KCNQ1: variants seen among roughly 807,000 people sequenced by gnomAD.
The protein encoded by KCNQ1 is potassium voltage-gated channel subfamily Q member 1.
In KCNQ1, 49 loss-of-function variants were observed where a neutral mutation model predicts 72.4. The ratio of observed to expected loss-of-function variants is 0.68; its 90% CI spans 0.54 to 0.86. KCNQ1 has a LOEUF of 0.86. Among genes scored for constraint, KCNQ1 ranks in the 40% least tolerant of loss-of-function variants. The pLI, the probability that KCNQ1 is intolerant of heterozygous loss-of-function variation, is 0.00. For synonymous variants in KCNQ1, 450 were observed against 412.6 expected (o/e 1.09, Z -1.10); for missense variants, 790 against 945.1 (o/e 0.84, Z 2.15).
In KCNQ1 at chr11:2,588,570, A is replaced by AGCT; in HGVS notation, c.1252-141_1252-139dup. ...CCCTGTCTCTGTGTGAAGACACTGG[A>AGCT]GCTGGCCCCAGGCCTCAGGTCCCTG... is the stretch of plus-strand genomic sequence containing the variant. On this transcript the variant is annotated intron_variant, in intron 9 of 15. Coordinates refer to ENST00000155840, the MANE Select transcript of KCNQ1 (RefSeq NM_000218.3). The surrounding 1 kb of genome is among the most constrained non-coding windows in gnomAD (Gnocchi z 5.6). 5.1e-6 allele frequency: 5 copies of AGCT among 979,234 alleles called. No individual in the cohort carries two copies. Among genetic ancestry groups the AGCT allele is most frequent in the Non-Finnish European group, 4.7e-6 (3 of 640,032 alleles). 60.7% of individuals were successfully genotyped at this position (979,234 alleles called of 1,614,324 possible).
rs781377342 is a variant in KCNQ1, at chr11:2,536,713, G to A, written c.477+8695G>A. Among the ~76,000 whole-genome samples the A allele has an allele frequency of 3.3e-5, 5 of 150,876 alleles. No individual in the cohort carries two copies. The highest frequency in any genetic ancestry group is 7.4e-5 in the Non-Finnish European group (5 of 68,010). On this transcript the variant is annotated intron_variant, in intron 2 of 15. Transcript: ENST00000155840. This position sits in a 1 kb window ranked among gnomAD's most constrained non-coding sequence, Gnocchi z 7.4. The stretch of plus-strand genomic sequence containing the variant: ...CCCAGCCTGCCAGAGGGACCGCTGG[G>A]CCTATCTCCAGCCACGTGGGTCGCG...
intron 11 of KCNQ1, among the ~76,000 whole-genome samples, chr11:2,738,923 G>C (rs1846002099): frequency 6.6e-6 from 1 of 152,230 alleles, no homozygotes. Context: ...GGCCAGGTGG[G>C]TGAGCGAGGT....
chr11:2,680,039 A>G (rs920784402), intron 11 of KCNQ1: 28 of 395,780 alleles, frequency 7.1e-5, no homozygotes, highest in African/African-American at 5.8e-4. Context: ...GACTACAGAC[A>G]TCTGCCACCA....
At position 2,676,534 on chromosome 11, in the gene KCNQ1, A is replaced by C. The variant is rs1850298019; in HGVS notation, c.1514+14453A>C. On this transcript the variant is annotated intron_variant, in intron 11 of 15. Coordinates refer to ENST00000155840, the MANE Select transcript of KCNQ1 (RefSeq NM_000218.3). The surrounding 1 kb of genome is among the most constrained non-coding windows in gnomAD (Gnocchi z 4.2). Reference sequence around the variant, plus strand: ...TGGACTTGGCAAAAGGCATAGAGGTAGTGGTACAGGAAAGGTCTAAGAAGG... The same window carrying C: ...TGGACTTGGCAAAAGGCATAGAGGTCGTGGTACAGGAAAGGTCTAAGAAGG... 4 of 398,556 alleles carry C rather than the reference A, an allele frequency of 1.0e-5. No homozygotes were observed. Among genetic ancestry groups the C allele is most frequent in the East Asian group, 7.1e-5 (2 of 28,096 alleles). The allele number at this position is 398,556 out of a possible 1,614,324, so 24.7% of individuals were successfully genotyped here. A position where few individuals can be genotyped will look rare whatever the true frequency, so the allele number is the denominator to read the frequency against.
At chr11:2,580,921 TGCAGAGCGGAG>T (rs1848489923) in intron 6 of KCNQ1, among the ~76,000 whole-genome samples, 2 of 152,218 alleles carry the variant, frequency 1.3e-5, no homozygotes, top group Non-Finnish European at 2.9e-5. Context: ...GGGGCCCTTC[TGCAGAGCGGAG>T]GCAGAGCCCG....
intron 15 of KCNQ1, among the ~76,000 whole-genome samples, chr11:2,807,061 G>A (rs933122082): frequency 2.0e-5 from 3 of 152,236 alleles, no homozygotes; most frequent in African/African-American, 4.8e-5. Context: ...TTCGGAAGGC[G>A]CCAGTGTTTC....
chr11:2,765,856 A>T (rs1259559405), intron 11 of KCNQ1, among the ~76,000 whole-genome samples: 1 of 152,144 alleles, frequency 6.6e-6, no homozygotes, highest in Non-Finnish European at 1.5e-5. Flanking sequence ...GGATTTATAT[A>T]GTTGTTTTTA....
chr11:2,633,976 A>G, intron 10 of KCNQ1: 1 of 398,472 alleles, frequency 2.5e-6, no homozygotes, highest in East Asian at 3.6e-5. Flanking sequence ...GTTCAAATCT[A>G]TGTTGTTGAA....
chr11:2,841,905 C>T (rs998547205), intron 15 of KCNQ1, among the ~76,000 whole-genome samples: 4 of 152,142 alleles, frequency 2.6e-5, no homozygotes, highest in Non-Finnish European at 5.9e-5. Flanking sequence ...CAACCCCGCT[C>T]CTGGGGGGTG....
intron 12 of KCNQ1, chr11:2,771,707 C>A (rs1208050091): frequency 6.6e-6 from 1 of 152,028 alleles, no homozygotes; most frequent in Non-Finnish European, 1.5e-5. Flanking sequence ...AAGCAATTAA[C>A]AAATACAAAA....
chr11:2,621,600 T>C lies in KCNQ1; in HGVS notation c.1393+32746T>C, dbSNP rs1849173575. 2.5e-6 allele frequency: 1 copy of C among 398,520 alleles called. No individual in the cohort carries two copies. Among genetic ancestry groups the C allele is most frequent in the East Asian group, 3.6e-5 (1 of 28,050 alleles). 24.7% of individuals were successfully genotyped at this position (398,520 alleles called of 1,614,324 possible). On this transcript the variant is annotated intron_variant, in intron 10 of 15. Coordinates refer to ENST00000155840, the MANE Select transcript of KCNQ1 (RefSeq NM_000218.3). This position sits in a 1 kb window ranked among gnomAD's most constrained non-coding sequence, Gnocchi z 5.7. ...TCTGTTCAGGCTTTCTATTCCTGATTTAATCTTAGCAGGTTGGTTTTTTTC... is the reference window on the plus strand; with the variant it reads ...TCTGTTCAGGCTTTCTATTCCTGATCTAATCTTAGCAGGTTGGTTTTTTTC...
Position 2,682,221 on chromosome 11 carries a change from G to T in KCNQ1, c.1514+20140G>T, listed in dbSNP as rs1590029131. On this transcript the variant is annotated intron_variant, in intron 11 of 15. Transcript: ENST00000155840. The surrounding 1 kb of genome is among the most constrained non-coding windows in gnomAD (Gnocchi z 5.8). Reference sequence around the variant, plus strand: ...CAGGCCAGGACTGTCTTATCCTGTGGTTCTTAGCTGAAATGTCCCTTCCTC... The same window carrying T: ...CAGGCCAGGACTGTCTTATCCTGTGTTTCTTAGCTGAAATGTCCCTTCCTC... 5.0e-6 allele frequency: 2 copies of T among 398,380 alleles called. No homozygotes were observed. The highest frequency in any genetic ancestry group is 6.3e-4 in the Middle Eastern group (1 of 1,588). 24.7% of individuals were successfully genotyped at this position (398,380 alleles called of 1,614,324 possible). A position where few individuals can be genotyped will look rare whatever the true frequency, so the allele number is the denominator to read the frequency against.
Position 2,541,828 on chromosome 11 carries a change from C to A in KCNQ1, c.477+13810C>A, listed in dbSNP as rs117183566. On this transcript the variant is annotated intron_variant, in intron 2 of 15. Coordinates refer to ENST00000155840, the MANE Select transcript of KCNQ1 (RefSeq NM_000218.3). The surrounding 1 kb of genome is among the most constrained non-coding windows in gnomAD (Gnocchi z 4.8). ...TAGTTTCTCCCCAGAGTTCATGGAG[C>A]CCCTGTCAGAGGCGCTGAGGCCCAG... Among the ~76,000 whole-genome samples, 344 of 152,198 alleles carry A rather than the reference C, an allele frequency of 2.3e-3. 8 individuals carry two copies. The East Asian group carries it at 0.063, about 28-fold the overall frequency.
intron 10 of KCNQ1, chr11:2,634,808 C>G (rs368239772): frequency 5.3e-5 from 8 of 152,166 alleles, no homozygotes; most frequent in African/African-American, 7.2e-5. Context: ...AGTGTAAAAG[C>G]GTTCCTATTT....
At chr11:2,700,778 C>T (rs1400219561) in intron 11 of KCNQ1, among the ~76,000 whole-genome samples, 1 of 152,130 alleles carries the variant, frequency 6.6e-6, no homozygotes, top group African/African-American at 2.4e-5. Context: ...GCCCACCTCC[C>T]ATCCCCCATC....
Position 2,664,374 on chromosome 11 carries a change from C to T in KCNQ1, c.1514+2293C>T, listed in dbSNP as rs960595412. Reference sequence around the variant, plus strand: ...TCCTGCATCCTCAGAAGTCAGGGTACGGTCCCTCCAGAGAGGCCTGAAGGG... The same window carrying T: ...TCCTGCATCCTCAGAAGTCAGGGTATGGTCCCTCCAGAGAGGCCTGAAGGG... On this transcript the variant is annotated intron_variant, in intron 11 of 15. Transcript: ENST00000155840. The surrounding 1 kb of genome is among the most constrained non-coding windows in gnomAD (Gnocchi z 5.1). 9 of 398,848 alleles carry T rather than the reference C, an allele frequency of 2.3e-5. No homozygotes were observed. Among genetic ancestry groups the T allele is most frequent in the East Asian group, 1.1e-4 (3 of 28,094 alleles). 24.7% of individuals were successfully genotyped at this position (398,848 alleles called of 1,614,324 possible).
chr11:2,654,307 T>C lies in KCNQ1; in HGVS notation c.1394-7654T>C, dbSNP rs992966173. ...GAATCCACTGAGAGGGGGAGATTTC[T>C]TGAGGGGGCCAGGGAGGGGGCTTCT... On this transcript the variant is annotated intron_variant, in intron 10 of 15. Coordinates refer to ENST00000155840, the MANE Select transcript of KCNQ1 (RefSeq NM_000218.3). This position sits in a 1 kb window ranked among gnomAD's most constrained non-coding sequence, Gnocchi z 6.4. The C allele has an allele frequency of 5.3e-6, 2 of 379,484 alleles. No individual in the cohort carries two copies. Among genetic ancestry groups the C allele is most frequent in the Non-Finnish European group, 9.3e-6 (2 of 216,080 alleles). 23.5% of individuals were successfully genotyped at this position (379,484 alleles called of 1,614,324 possible).
At chr11:2,539,372 G>A (rs1248476095) in intron 2 of KCNQ1, among the ~76,000 whole-genome samples, 2 of 152,236 alleles carry the variant, frequency 1.3e-5, no homozygotes, top group Non-Finnish European at 2.9e-5. Flanking sequence ...TCAAGCTACA[G>A]GAGCGCAATC....
In KCNQ1 at chr11:2,566,942, C is replaced by G. The variant is rs1279966705; in HGVS notation, c.478-3686C>G. On this transcript the variant is annotated intron_variant, in intron 2 of 15. Coordinates refer to ENST00000155840, the MANE Select transcript of KCNQ1 (RefSeq NM_000218.3). This position sits in a 1 kb window ranked among gnomAD's most constrained non-coding sequence, Gnocchi z 6.7. ...AGAGGGATTGGGGGTGATGGGGGTG[C>G]TGAGCTGGCCTGAGAAGGGTGGGGT... Among the ~76,000 whole-genome samples, 2 of 121,880 alleles carry G rather than the reference C, an allele frequency of 1.6e-5. No homozygotes were observed. Among genetic ancestry groups the G allele is most frequent in the Non-Finnish European group, 3.4e-5 (2 of 59,014 alleles). The allele number at this position is 121,880 out of a possible 152,430, so 80.0% of individuals were successfully genotyped here. A position where few individuals can be genotyped will look rare whatever the true frequency, so the allele number is the denominator to read the frequency against.
Sources: gnomAD v4.1 joint callset for allele counts (sites outside exome capture counted in the v4.1 genomes callset) on GRCh38, gnomAD v4.1.1 for gene constraint, Gnocchi (gnomAD v3.1) non-coding constraint, MANE v1.5 for transcripts, NCBI Gene and HGNC (gene_info 2026-07-23, HGNC 2026-07-21) for gene names.